The following NR5A2 variants were observed in gnomAD, a reference collection of about 807,000 sequenced individuals.
NR5A2 encodes nuclear receptor subfamily 5 group A member 2.
A neutral mutation model predicts 62.7 loss-of-function variants in NR5A2; 26 were observed. That is an observed-to-expected ratio of 0.41 (90% CI 0.30 to 0.58). The LOEUF (loss-of-function observed/expected upper bound fraction) is 0.58, where lower values mean the gene tolerates loss of function less well. NR5A2 is among the 20% of genes least tolerant of loss of function. The pLI is 0.22. For synonymous variants in NR5A2, 246 were observed against 241.7 expected (o/e 1.02, Z -0.16); for missense variants, 541 against 669.1 (o/e 0.81, Z 2.11).
At chr1:200,163,005 T>A (rs184796618) in intron 7 of NR5A2, among the ~76,000 whole-genome samples, 1 of 152,116 alleles carries the variant, frequency 6.6e-6, no homozygotes, top group East Asian at 1.9e-4. Context: ...GGTCACTGAG[T>A]GAGCTGGTGA....
At position 200,135,296 on chromosome 1, in the gene NR5A2, G is replaced by A. The variant is rs2102335765; in HGVS notation, c.1378+14341G>A. The stretch of plus-strand genomic sequence containing the variant: ...AGCACTTTGGGAGGCCGAGGCAGGT[G>A]GATCACCTGAGGTCGCGAGTTCGAG... On this transcript the variant is annotated intron_variant, in intron 7 of 7. Coordinates refer to ENST00000367362, the MANE Select transcript of NR5A2 (RefSeq NM_205860.3). Among the ~76,000 whole-genome samples the A allele has an allele frequency of 1.3e-5, 2 of 152,256 alleles. 1 individual carries two copies. The highest frequency in any genetic ancestry group is 4.1e-4 in the South Asian group (2 of 4,822).
chr1:200,144,336 A>G (rs2102350872), intron 7 of NR5A2, among the ~76,000 whole-genome samples: 1 of 151,630 alleles, frequency 6.6e-6, no homozygotes, highest in East Asian at 1.9e-4. Context: ...TGCCTTTCCA[A>G]GTTTGTGTCT....
At chr1:200,042,331 C>T (rs1662135216) in intron 2 of NR5A2, among the ~76,000 whole-genome samples, 1 of 152,172 alleles carries the variant, frequency 6.6e-6, no homozygotes, top group African/African-American at 2.4e-5. Context: ...CAAAGTGCTG[C>T]AAGTGACCCC....
intron 7 of NR5A2, among the ~76,000 whole-genome samples, chr1:200,136,197 C>T (rs1004673513): frequency 6.6e-6 from 1 of 151,870 alleles, no homozygotes; most frequent in Non-Finnish European, 1.5e-5. Context: ...AATGCCTATG[C>T]TAGGAAGCTC....
chr1:200,104,809 C>T (rs564274673), intron 5 of NR5A2, among the ~76,000 whole-genome samples: 4 of 152,202 alleles, frequency 2.6e-5, no homozygotes, highest in South Asian at 2.1e-4. Flanking sequence ...ATTACAGGCA[C>T]GTGCCACTAT....
chr1:200,164,867 GTT>G (rs56818276), intron 7 of NR5A2, among the ~76,000 whole-genome samples: 1,391 of 63,884 alleles, frequency 0.022, 27 homozygotes, highest in African/African-American at 0.083. Context: ...TTTTAGAGCA[GTT>G]TTTTTTTTTT....
intron 7 of NR5A2, among the ~76,000 whole-genome samples, chr1:200,125,002 G>GC (rs1454614574): frequency 7.9e-5 from 12 of 152,198 alleles, no homozygotes; most frequent in Non-Finnish European, 1.8e-4. Flanking sequence ...TTAGCTAAAA[G>GC]CCGTATTCAA....
intron 7 of NR5A2, among the ~76,000 whole-genome samples, chr1:200,130,907 A>G (rs1666943828): frequency 6.6e-6 from 1 of 152,206 alleles, no homozygotes; most frequent in Admixed American, 6.5e-5. Flanking sequence ...GAAATATCCC[A>G]GGGTTCTTCG....
chr1:200,173,315 G>A (rs978171796), intron 7 of NR5A2, among the ~76,000 whole-genome samples: 3 of 152,188 alleles, frequency 2.0e-5, no homozygotes, highest in African/African-American at 7.2e-5. Context: ...CTTGTGTTCT[G>A]CCTAAAGGAC....
chr1:200,056,131 A>G (rs1662903505), intron 5 of NR5A2, among the ~76,000 whole-genome samples: 1 of 152,176 alleles, frequency 6.6e-6, no homozygotes, highest in South Asian at 2.1e-4. Flanking sequence ...TCTTGCTTAC[A>G]TACGTATATT....
intron 5 of NR5A2, among the ~76,000 whole-genome samples, chr1:200,052,887 G>C (rs1031007083): frequency 6.6e-6 from 1 of 152,136 alleles, no homozygotes; most frequent in Non-Finnish European, 1.5e-5. Flanking sequence ...CGATCCGCCC[G>C]CCTTGGCCTC....
At chr1:200,072,095 C>T (rs2816918) in intron 5 of NR5A2, among the ~76,000 whole-genome samples, 3,666 of 152,148 alleles carry the variant, frequency 0.024, 147 homozygotes, top group African/African-American at 0.083. Flanking sequence ...TAGGGCCTAA[C>T]TCATTTATAT....
intron 7 of NR5A2, among the ~76,000 whole-genome samples, chr1:200,153,379 T>C (rs1653225097): frequency 6.6e-6 from 1 of 152,184 alleles, no homozygotes; most frequent in Admixed American, 6.5e-5. Flanking sequence ...AGCTGGTGCT[T>C]CCCCTGAGCC....
At chr1:200,135,022 A>G (rs904651677) in intron 7 of NR5A2, among the ~76,000 whole-genome samples, 1 of 152,190 alleles carries the variant, frequency 6.6e-6, no homozygotes, top group Non-Finnish European at 1.5e-5. Flanking sequence ...CCCTATTCTT[A>G]TAACATTATC....
chr1:200,043,077 C>G, intron 2 of NR5A2: 1 of 838,390 alleles, frequency 1.2e-6, no homozygotes, highest in Non-Finnish European at 1.4e-6. Context: ...TATTTTTCCC[C>G]GTACGGGCGT....
intron 5 of NR5A2, among the ~76,000 whole-genome samples, chr1:200,088,455 C>G (rs948220420): frequency 6.6e-6 from 1 of 151,700 alleles, no homozygotes; most frequent in Non-Finnish European, 1.5e-5. Context: ...CAGGGTTTCT[C>G]CATGTTGCTC....
chr1:200,082,033 A>G (rs923215323), intron 5 of NR5A2, among the ~76,000 whole-genome samples: 10 of 152,004 alleles, frequency 6.6e-5, no homozygotes, highest in Non-Finnish European at 1.2e-4. Context: ...GGTTGCATCT[A>G]TTTCTGGTTT....
chr1:200,052,170 A>G (rs1475758741), intron 5 of NR5A2, among the ~76,000 whole-genome samples: 1 of 152,192 alleles, frequency 6.6e-6, no homozygotes, highest in East Asian at 1.9e-4. Flanking sequence ...TCGGCCATCC[A>G]TTGGCGTTGC....
intron 6 of NR5A2, among the ~76,000 whole-genome samples, chr1:200,114,013 T>C (rs951523298): frequency 7.9e-5 from 12 of 152,016 alleles, no homozygotes; most frequent in Non-Finnish European, 1.3e-4. Flanking sequence ...AAGCCCCATC[T>C]CCACTAAAAA....
Sources: gnomAD v4.1 joint callset for allele counts (sites outside exome capture counted in the v4.1 genomes callset) on GRCh38, gnomAD v4.1.1 for gene constraint, MANE v1.5 for transcripts, NCBI Gene and HGNC (gene_info 2026-07-23, HGNC 2026-07-21) for gene names.